Variants in GRIK2 observed in about 807,000 individuals in gnomAD.
GRIK2 encodes glutamate ionotropic receptor kainate type subunit 2, also known as glutamate receptor ionotropic, kainate 2.
A neutral mutation model predicts 100.3 loss-of-function variants in GRIK2; 32 were observed. That is an observed-to-expected ratio of 0.32 (90% CI 0.24 to 0.43). The LOEUF is 0.43. Among genes scored for constraint, GRIK2 ranks in the 20% least tolerant of loss-of-function variants. GRIK2 has a pLI of 1.00. For missense variants in GRIK2, 843 were observed against 1,114.9 expected (o/e 0.76, Z 3.47); for synonymous variants, 417 against 389.4 (o/e 1.07, Z -0.83).
intron 7 of GRIK2, among the ~76,000 whole-genome samples, chr6:101,732,188 T>A (rs1775316912): frequency 6.6e-6 from 1 of 152,074 alleles, no homozygotes; most frequent in Non-Finnish European, 1.5e-5. Context: ...TTTCACATAA[T>A]CTAATCAATT....
intron 11 of GRIK2, among the ~76,000 whole-genome samples, chr6:101,879,661 T>G (rs1786109611): frequency 7.2e-6 from 1 of 139,814 alleles, no homozygotes; most frequent in Non-Finnish European, 1.5e-5. Flanking sequence ...GCTTGTTAAT[T>G]TGGTTGATCT....
intron 14 of GRIK2, among the ~76,000 whole-genome samples, chr6:101,986,572 T>G (rs931548074): frequency 1.3e-5 from 2 of 151,946 alleles, no homozygotes; most frequent in African/African-American, 4.8e-5. Flanking sequence ...GAGGTTTGTT[T>G]GCTTTTTCTA....
At chr6:101,713,429 A>G (rs1434968974) in intron 7 of GRIK2, among the ~76,000 whole-genome samples, 1 of 151,788 alleles carries the variant, frequency 6.6e-6, no homozygotes, top group Non-Finnish European at 1.5e-5. Flanking sequence ...TTATGACCTA[A>G]TGTCATTCAT....
intron 12 of GRIK2, among the ~76,000 whole-genome samples, chr6:101,899,342 A>G (rs1246882451): frequency 1.3e-5 from 2 of 152,090 alleles, no homozygotes; most frequent in East Asian, 1.9e-4. Context: ...TGTTGATTTT[A>G]TACTCATTTT....
chr6:101,863,744 C>G (rs918821883), intron 11 of GRIK2, among the ~76,000 whole-genome samples: 1 of 152,210 alleles, frequency 6.6e-6, no homozygotes, highest in African/African-American at 2.4e-5. Flanking sequence ...TTTTCTCTTT[C>G]TCTTACTCTC....
At chr6:101,545,883 C>G (rs951895300) in intron 2 of GRIK2, among the ~76,000 whole-genome samples, 2 of 152,014 alleles carry the variant, frequency 1.3e-5, no homozygotes, top group Non-Finnish European at 2.9e-5. Flanking sequence ...TACTTTAACT[C>G]CTTTCTCCTA....
intron 2 of GRIK2, among the ~76,000 whole-genome samples, chr6:101,424,346 T>G (rs1053882034): frequency 6.9e-6 from 1 of 144,030 alleles, no homozygotes; most frequent in Non-Finnish European, 1.5e-5. Context: ...CAGGCCCTGA[T>G]GTGTGATGTT....
chr6:101,846,801 A>C (rs1392953585), intron 10 of GRIK2, among the ~76,000 whole-genome samples: 1 of 151,962 alleles, frequency 6.6e-6, no homozygotes, highest in Non-Finnish European at 1.5e-5. Flanking sequence ...ATGTGTAATT[A>C]TTTCTATGAT....
chr6:101,398,467 T>C (rs1415946), intron 1 of GRIK2, among the ~76,000 whole-genome samples: 37,810 of 152,010 alleles, frequency 0.25, 5,242 homozygotes, highest in African/African-American at 0.36. Context: ...TCATTCCTGG[T>C]CAAAATAAAA....
intron 7 of GRIK2, among the ~76,000 whole-genome samples, chr6:101,708,089 A>G (rs1773462760): frequency 6.6e-6 from 1 of 151,754 alleles, no homozygotes; most frequent in Non-Finnish European, 1.5e-5. Flanking sequence ...TACAGACAAA[A>G]TAAATGAATG....
At chr6:101,451,156 T>C (rs985716760) in intron 2 of GRIK2, among the ~76,000 whole-genome samples, 2 of 151,770 alleles carry the variant, frequency 1.3e-5, no homozygotes, top group Non-Finnish European at 3.0e-5. Context: ...CTGCGGAAAT[T>C]CTACTTAATC....
intron 4 of GRIK2, among the ~76,000 whole-genome samples, chr6:101,629,497 A>G (rs892598493): frequency 2.0e-5 from 3 of 152,108 alleles, no homozygotes; most frequent in African/African-American, 7.2e-5. Flanking sequence ...CTATTGAGGG[A>G]CATGTAATAA....
intron 14 of GRIK2, among the ~76,000 whole-genome samples, chr6:101,933,916 G>C (rs1790449678): frequency 1.3e-5 from 2 of 151,906 alleles, no homozygotes; most frequent in African/African-American, 4.8e-5. Flanking sequence ...ATCCTAGGTA[G>C]AACGTTTTAA....
At chr6:101,868,154 T>C (rs1250988974) in intron 11 of GRIK2, among the ~76,000 whole-genome samples, 1 of 151,232 alleles carries the variant, frequency 6.6e-6, no homozygotes, top group African/African-American at 2.4e-5. Context: ...TAATTTGTTA[T>C]GCAGTACAGA....
At chr6:101,660,382 T>G (rs1769523380) in intron 4 of GRIK2, among the ~76,000 whole-genome samples, 1 of 152,204 alleles carries the variant, frequency 6.6e-6, no homozygotes, top group African/African-American at 2.4e-5. Context: ...CTAACCTTTT[T>G]TTAAGGTTCT....
chr6:102,037,103 G>A (rs1424106293), intron 15 of GRIK2, among the ~76,000 whole-genome samples: 1 of 150,808 alleles, frequency 6.6e-6, no homozygotes, highest in Non-Finnish European at 1.5e-5. Flanking sequence ...ATGTATTATG[G>A]TTTAAAAAAA....
rs1284872851 is a variant in GRIK2 at position 101,799,847 on chromosome 6, T to C, written c.1095+56T>C. On this transcript the variant is annotated intron_variant, in intron 8 of 16. Transcript: ENST00000369134. ...TCTTTTGTTGTCAAGCTGAATGAAGTGAGATTATTGTGGTTTTTCTAGCAA... is the reference window on the plus strand; with the variant it reads ...TCTTTTGTTGTCAAGCTGAATGAAGCGAGATTATTGTGGTTTTTCTAGCAA... The C allele has an allele frequency of 2.9e-6, 4 of 1,402,214 alleles. No individual in the cohort carries two copies. The East Asian group carries it at 9.2e-5, about 32-fold the overall frequency. 86.9% of individuals were successfully genotyped at this position (1,402,214 alleles called of 1,614,324 possible).
intron 11 of GRIK2, among the ~76,000 whole-genome samples, chr6:101,877,532 G>T (rs749667777): frequency 2.6e-5 from 4 of 151,842 alleles, no homozygotes; most frequent in Non-Finnish European, 5.9e-5. Context: ...TTCGACAGGG[G>T]CCCTGAAACC....
chr6:101,911,596 C>T (rs1304158789), intron 12 of GRIK2, among the ~76,000 whole-genome samples: 4 of 151,248 alleles, frequency 2.6e-5, no homozygotes, highest in East Asian at 3.9e-4. Flanking sequence ...TTAACATTGC[C>T]GTTCCTTTAC....
Sources: allele counts gnomAD v4.1 joint callset (sites outside exome capture counted in the v4.1 genomes callset), GRCh38; gene constraint gnomAD v4.1.1; transcripts MANE v1.5; gene names NCBI Gene and HGNC (gene_info 2026-07-23, HGNC 2026-07-21).